The following ASIC2 variants were observed in gnomAD, a reference collection of about 807,000 sequenced individuals.
ASIC2 encodes acid-sensing ion channel 2.
In ASIC2, 25 loss-of-function variants were observed where a neutral mutation model predicts 57.3. The ratio of observed to expected loss-of-function variants is 0.44; its 90% CI spans 0.32 to 0.61. ASIC2 has a LOEUF of 0.61. Among genes scored for constraint, ASIC2 ranks in the 20% least tolerant of loss-of-function variants. The probability of loss-of-function intolerance (pLI) is 0.06; values close to 1 mark genes in which losing one functional copy is unlikely to be tolerated. For synonymous variants in ASIC2, 319 were observed against 307.5 expected (o/e 1.04, Z -0.39); for missense variants, 641 against 738.1 (o/e 0.87, Z 1.52).
In ASIC2 at chr17:33,291,634, A is replaced by G; in HGVS notation, c.482T>C (p.Leu161Pro). 1 of 1,609,740 alleles carries G rather than the reference A, an allele frequency of 6.2e-7. No homozygotes were observed. The highest frequency in any genetic ancestry group is 8.5e-7 in the Non-Finnish European group (1 of 1,178,332). Residue 161 changes from leucine to proline, a missense_variant, in exon 1 of 10, where the codon CTG becomes CCG. Leu to Pro is a moderately conservative substitution (Grantham distance 98, BLOSUM62 -3). Transcript: ENST00000225823. ...CGGGCGCGCGGTGCGGTTGGGCAGC[A>G]GCAGCCCGAGCCAGTGGCCGGCATA... ...LYYAGHWLGL[L>P]LPNRTARPLV...
chr17:33,350,899 C>T (rs1407555592), intron 1 of ASIC2, among the ~76,000 whole-genome samples: 1 of 152,142 alleles, frequency 6.6e-6, no homozygotes, highest in Non-Finnish European at 1.5e-5. Context: ...TCTCTCTTTC[C>T]TTAGAACGAT....
chr17:33,573,969 C>T (rs917873258), intron 1 of ASIC2, among the ~76,000 whole-genome samples: 1 of 152,198 alleles, frequency 6.6e-6, no homozygotes, highest in African/African-American at 2.4e-5. Flanking sequence ...CACGTTGATA[C>T]AGGCTGCTTA....
rs138176340 is a variant in ASIC2, at chr17:33,206,608, C to T, written c.708+84800G>A. Among the ~76,000 whole-genome samples, 490 of 152,304 alleles carry T rather than the reference C, an allele frequency of 3.2e-3. 4 individuals are homozygous for T. Among genetic ancestry groups the T allele is most frequent in the African/African-American group, 0.011 (461 of 41,580 alleles). On this transcript the variant is annotated intron_variant, in intron 1 of 9. Transcript: ENST00000225823. Reference sequence around the variant, plus strand: ...CTTGGATGGGGCTGTCTTCCGCTTTCTATCCCCAGACAAGCACTCAGCTGT... The same window carrying T: ...CTTGGATGGGGCTGTCTTCCGCTTTTTATCCCCAGACAAGCACTCAGCTGT...
intron 1 of ASIC2, among the ~76,000 whole-genome samples, chr17:33,885,749 T>C (rs892422510): frequency 2.6e-5 from 4 of 152,218 alleles, no homozygotes; most frequent in Non-Finnish European, 5.9e-5. Flanking sequence ...CAAATGCTCC[T>C]TCCTCCATGA....
intron 1 of ASIC2, among the ~76,000 whole-genome samples, chr17:33,396,081 C>G (rs1043751873): frequency 6.6e-6 from 1 of 152,202 alleles, no homozygotes; most frequent in Non-Finnish European, 1.5e-5. Flanking sequence ...CCTACCTAAA[C>G]AGACCTCGTC....
chr17:33,652,997 T>C lies in ASIC2; in HGVS notation c.555+502981A>G, dbSNP rs779883769. On this transcript the variant is annotated intron_variant, in intron 1 of 9. Transcript: ENST00000359872. ...TCCAATTCTGCCATTTCCTGGCAAA[T>C]GATCTTGGCATGCTTTTACTCTCTT... Among the ~76,000 whole-genome samples the C allele has an allele frequency of 3.1e-4, 47 of 152,212 alleles. 1 individual carries two copies. Among genetic ancestry groups the C allele is most frequent in the Admixed American group, 3.1e-3 (47 of 15,280 alleles).
chr17:34,088,982 C>T (rs190839819), intron 1 of ASIC2, among the ~76,000 whole-genome samples: 13 of 152,324 alleles, frequency 8.5e-5, no homozygotes, highest in Middle Eastern at 6.8e-3. Context: ...TGACCCCTTG[C>T]GCTTCCCAAA....
At chr17:33,162,560 C>T (rs983679117) in intron 1 of ASIC2, among the ~76,000 whole-genome samples, 1 of 152,176 alleles carries the variant, frequency 6.6e-6, no homozygotes, top group Admixed American at 6.5e-5. Context: ...CCACTCCCAG[C>T]TGTAGGCTGA....
chr17:33,496,851 C>G (rs1173332144), intron 1 of ASIC2, among the ~76,000 whole-genome samples: 1 of 152,058 alleles, frequency 6.6e-6, no homozygotes, highest in Admixed American at 6.6e-5. Flanking sequence ...CTCCTGACCT[C>G]AAGTGATCTG....
At chr17:33,916,644 C>G (rs2141962295) in intron 1 of ASIC2, among the ~76,000 whole-genome samples, 1 of 152,286 alleles carries the variant, frequency 6.6e-6, no homozygotes, top group Admixed American at 6.5e-5. Context: ...TCTTAGTCTC[C>G]TTTCTGAGTA....
At chr17:33,373,048 G>A (rs1353174159) in intron 1 of ASIC2, among the ~76,000 whole-genome samples, 1 of 152,226 alleles carries the variant, frequency 6.6e-6, no homozygotes, top group East Asian at 1.9e-4. Context: ...CTTAGGATAA[G>A]CAGAAAGGGA....
chr17:33,468,805 T>A (rs1164894453), intron 1 of ASIC2, among the ~76,000 whole-genome samples: 2 of 152,120 alleles, frequency 1.3e-5, no homozygotes, highest in Non-Finnish European at 2.9e-5. Context: ...GGTGTCAAAT[T>A]CAAGTTTTTT....
intron 1 of ASIC2, among the ~76,000 whole-genome samples, chr17:33,310,933 G>T (rs1567818960): frequency 6.6e-6 from 1 of 152,062 alleles, no homozygotes; most frequent in Non-Finnish European, 1.5e-5. Flanking sequence ...CTGGTTCAAG[G>T]GCTGGAGCTT....
At chr17:34,015,484 C>A (rs1906919199) in intron 1 of ASIC2, among the ~76,000 whole-genome samples, 1 of 152,212 alleles carries the variant, frequency 6.6e-6, no homozygotes, top group African/African-American at 2.4e-5. Context: ...ATGTATGGCT[C>A]ATCTCAGCTT....
At chr17:33,969,933 G>T (rs1012295410) in intron 1 of ASIC2, among the ~76,000 whole-genome samples, 1 of 152,132 alleles carries the variant, frequency 6.6e-6, no homozygotes, top group Admixed American at 6.5e-5. Context: ...GGGTCTGGGG[G>T]AAGAGGGAAA....
chr17:33,502,021 G>GTGCCA (rs1237906813), intron 1 of ASIC2, among the ~76,000 whole-genome samples: 1 of 152,118 alleles, frequency 6.6e-6, no homozygotes, highest in Non-Finnish European at 1.5e-5. Context: ...ACGCATAAGA[G>GTGCCA]TGCCAGGCCA....
chr17:33,697,411 A>G (rs757803211), intron 1 of ASIC2, among the ~76,000 whole-genome samples: 1 of 152,184 alleles, frequency 6.6e-6, no homozygotes, highest in African/African-American at 2.4e-5. Flanking sequence ...GAAAATCCAC[A>G]TAGAAGTTGA....
intron 1 of ASIC2, among the ~76,000 whole-genome samples, chr17:33,425,264 G>C (rs1911177564): frequency 2.0e-5 from 3 of 152,192 alleles, no homozygotes; most frequent in Non-Finnish European, 1.5e-5. Flanking sequence ...CTGGCACATA[G>C]AGACCTTGAG....
At position 33,035,434 on chromosome 17, in the gene ASIC2, C is replaced by T. The variant is rs573488073; in HGVS notation, c.988-7042G>A. ...TTTCAGATAACTATTTTTGGTGACT[C>T]TGGGTAGATTATCTTTCTCTGAATA... On this transcript the variant is annotated intron_variant, in intron 3 of 9. Coordinates refer to ENST00000225823, the MANE Select transcript of ASIC2 (RefSeq NM_183377.2). 3.9e-5 allele frequency among the ~76,000 whole-genome samples: 6 copies of T among 152,246 alleles called. No individual in the cohort carries two copies. The East Asian group carries it at 1.2e-3, about 29-fold the overall frequency.
Sources: gnomAD v4.1 joint callset for allele counts (sites outside exome capture counted in the v4.1 genomes callset) on GRCh38, gnomAD v4.1.1 for gene constraint, MANE v1.5 for transcripts, NCBI Gene and HGNC (gene_info 2026-07-23, HGNC 2026-07-21) for gene names.